JAG2: variants seen among roughly 807,000 people sequenced by gnomAD.
JAG2 encodes the protein protein jagged-2.
A neutral mutation model predicts 141.7 loss-of-function variants in JAG2; 46 were observed. The ratio of observed to expected loss-of-function variants is 0.32; its 90% CI spans 0.26 to 0.42. The LOEUF (loss-of-function observed/expected upper bound fraction) is 0.42. JAG2 is among the 10% of genes least tolerant of loss of function. JAG2 has a pLI of 1.00. For synonymous variants in JAG2, 862 were observed against 763.5 expected (o/e 1.13, Z -2.13); for missense variants, 1,500 against 1,817.5 (o/e 0.83, Z 3.18).
At chr14:105,151,230 C>CAGCAGCCCA in intron 9 of JAG2, 53 bp downstream of exon 9, 1 of 1,552,458 alleles carries the variant, frequency 6.4e-7, no homozygotes, top group Non-Finnish European at 8.7e-7. Flanking sequence ...CCAGCAGCCC[C>CAGCAGCCCA]CGCAGCCCGC....
intron 24 of JAG2, among the ~76,000 whole-genome samples, chr14:105,144,093 T>G (rs912739123): frequency 1.3e-5 from 2 of 151,370 alleles, no homozygotes; most frequent in African/African-American, 4.9e-5. Context: ...AGGCAGTGAG[T>G]TGGGGAGGTG....
chr14:105,152,104 C>G (rs1341589532), intron 6 of JAG2, 47 bp from the exon 7 acceptor site: 1 of 1,613,326 alleles, frequency 6.2e-7, no homozygotes, highest in Admixed American at 1.7e-5. Flanking sequence ...GCCCCCCGCT[C>G]CCCCACAACC....
chr14:105,146,015 G>C, intron 22 of JAG2, 42 bp from the exon 23 acceptor site: 1 of 1,577,338 alleles, frequency 6.3e-7, no homozygotes, highest in Non-Finnish European at 8.6e-7. Context: ...AGGCGCACAG[G>C]AGGGTCAGAT....
chr14:105,153,436 G>A (rs747139420), intron 5 of JAG2, among the ~76,000 whole-genome samples: 1 of 152,202 alleles, frequency 6.6e-6, no homozygotes, highest in Non-Finnish European at 1.5e-5. Flanking sequence ...TTGGGTCATC[G>A]GCCAGAGAGC....
intron 5 of JAG2, among the ~76,000 whole-genome samples, 177 bp downstream of exon 5, chr14:105,155,385 T>C (rs1267925311): frequency 6.6e-6 from 1 of 152,126 alleles, no homozygotes; most frequent in Non-Finnish European, 1.5e-5. Context: ...ACACATCCCA[T>C]GCTCAGACAC....
rs374853628 is a variant in JAG2 at position 105,155,730 on chromosome 14, C to T, written c.727+8G>A. On this transcript the variant is annotated splice_region_variant and intron_variant, in intron 4 of 25. Transcript: ENST00000331782. ...CCTGCCCTCCACGCAGCCCAGCGGCCCCCTCACCTTCCTTGCACTCCTTGC... is the reference window on the plus strand; with the variant it reads ...CCTGCCCTCCACGCAGCCCAGCGGCTCCCTCACCTTCCTTGCACTCCTTGC... 1.5e-4 allele frequency: 236 copies of T among 1,612,772 alleles called. No homozygotes were observed. Among genetic ancestry groups the T allele is most frequent in the Non-Finnish European group, 1.9e-4 (225 of 1,179,888 alleles).
At chr14:105,148,609 C>T (rs1888306723) in intron 15 of JAG2, 136 bp downstream of exon 15, 1 of 919,142 alleles carries the variant, frequency 1.1e-6, no homozygotes, top group African/African-American at 1.6e-5. Context: ...GACTCCACCC[C>T]ATGGTGGCAG....
rs1195173345 is a variant in JAG2, at chr14:105,141,701, C to G, written c.*994G>C. 1 of 152,378 alleles carries G rather than the reference C, an allele frequency of 6.6e-6. No homozygotes were observed. The highest frequency in any genetic ancestry group is 6.5e-5 in the Admixed American group (1 of 15,288). The allele number at this position is 152,378 out of a possible 1,614,324, so 9.4% of individuals were successfully genotyped here. A position where few individuals can be genotyped will look rare whatever the true frequency, so the allele number is the denominator to read the frequency against. ...CTCTCCCCCAACCTCACTCTCAATA[C>G]AAAAGGGACAGCACCGAAAGAACAA... On this transcript the variant is annotated 3_prime_UTR_variant, in exon 26 of 26. Transcript: ENST00000331782.
chr14:105,159,240 C>T (rs587737242), intron 2 of JAG2, among the ~76,000 whole-genome samples: 2 of 152,148 alleles, frequency 1.3e-5, no homozygotes, highest in Admixed American at 6.5e-5. Context: ...GCCCCGCCCC[C>T]GAGCCCCTGC....
chr14:105,151,435 A>G, intron 8 of JAG2, 39 bp from the exon 9 acceptor site: 1 of 1,577,520 alleles, frequency 6.3e-7, no homozygotes, highest in Non-Finnish European at 8.7e-7. Flanking sequence ...TGGCAGTGTG[A>G]GCCGTGGGAA....
rs138622239 is a variant in JAG2, at chr14:105,152,563, C to T, written c.789-272G>A. 6.9e-3 allele frequency among the ~76,000 whole-genome samples: 1,058 copies of T among 152,248 alleles called. 4 individuals are homozygous for T. Among genetic ancestry groups the T allele is most frequent in the Middle Eastern group, 0.017 (5 of 294 alleles). On this transcript the variant is annotated intron_variant, in intron 5 of 25. Transcript: ENST00000331782. ...TGGGATTCACCCGTGAGCTGGGCCC[C>T]GAGAGCAGGCACCAGGAAAGGAAGG... is the stretch of plus-strand genomic sequence containing the variant.
At chr14:105,152,963 T>C (rs1305338392) in intron 5 of JAG2, among the ~76,000 whole-genome samples, 1 of 152,130 alleles carries the variant, frequency 6.6e-6, no homozygotes, top group Non-Finnish European at 1.5e-5. Flanking sequence ...ACGTCCTGTC[T>C]TGGGAGTCCC....
intron 3 of JAG2, among the ~76,000 whole-genome samples, chr14:105,156,485 C>T (rs1374734919): frequency 6.6e-6 from 1 of 152,158 alleles, no homozygotes; most frequent in Non-Finnish European, 1.5e-5. Flanking sequence ...ACCGTCCCCA[C>T]CTTAAGACAA....
intron 2 of JAG2, among the ~76,000 whole-genome samples, chr14:105,166,929 C>T (rs1219047444): frequency 1.3e-5 from 2 of 152,184 alleles, no homozygotes; most frequent in African/African-American, 2.4e-5. Flanking sequence ...GGCCGTGCTC[C>T]AGGCAATGAG....
At chr14:105,144,074 C>T (rs1183624403) in intron 24 of JAG2, among the ~76,000 whole-genome samples, 4 of 151,848 alleles carry the variant, frequency 2.6e-5, no homozygotes, top group Non-Finnish European at 4.4e-5. Flanking sequence ...CGGTGGGGAC[C>T]TCGCCACCAG....
intron 5 of JAG2, 148 bp from the exon 6 acceptor site, chr14:105,152,439 T>C: frequency 4.3e-6 from 4 of 921,456 alleles, no homozygotes; most frequent in Non-Finnish European, 6.7e-6. Context: ...CAGGCAGGGG[T>C]TGCAGCCCTG....
chr14:105,146,364 C>T (rs374385513), intron 22 of JAG2, 21 bp downstream of exon 22: 26 of 1,595,972 alleles, frequency 1.6e-5, no homozygotes, highest in East Asian at 1.6e-4. Flanking sequence ...TAGGGCAGGG[C>T]GGCTCACGGG....
chr14:105,148,987 T>A lies in JAG2; in HGVS notation c.1856A>T (p.Asn619Ile), dbSNP rs769600514. The A allele has an allele frequency of 1.9e-6, 3 of 1,607,828 alleles. No individual in the cohort carries two copies. Among genetic ancestry groups the A allele is most frequent in the East Asian group, 2.2e-5 (1 of 44,688 alleles). The change falls in exon 14 of 26, where the codon AAC becomes ATC. Residue 619 changes from asparagine (N) to isoleucine (I), a missense_variant. This residue lies in a region of JAG2 where 875 missense variants were observed against 1,202.2 expected (regional missense o/e 0.73). Coordinates refer to ENST00000331782, the MANE Select transcript of JAG2 (RefSeq NM_002226.5). ...HGRCVSQPGG[N>I]FSCICDSGFT... ...GCCACTGTCACAGATGCAGGAAAAG[T>A]TGCCCCCTGGCTGGCTGACGCAGCG...
chr14:105,154,556 T>A lies in JAG2; in HGVS notation c.788+1006A>T, dbSNP rs1245071301. On this transcript the variant is annotated intron_variant, in intron 5 of 25. Coordinates refer to ENST00000331782, the MANE Select transcript of JAG2 (RefSeq NM_002226.5). This position sits in a 1 kb window ranked among gnomAD's most constrained non-coding sequence, Gnocchi z 4.4. ...GTCCAGAGGCCTCCACCATCTGGAC[T>A]TGGCTGTAAGACCCCGGACACTCCC... Among the ~76,000 whole-genome samples, 2 of 152,154 alleles carry A rather than the reference T, an allele frequency of 1.3e-5. No individual in the cohort carries two copies. Among genetic ancestry groups the A allele is most frequent in the African/African-American group, 4.8e-5 (2 of 41,436 alleles).
Sources: allele counts gnomAD v4.1 joint callset (sites outside exome capture counted in the v4.1 genomes callset), GRCh38; gene constraint gnomAD v4.1.1; regional missense constraint gnomAD v4.1.1; non-coding constraint Gnocchi (gnomAD v3.1); transcripts MANE v1.5; gene names NCBI Gene and HGNC (gene_info 2026-07-23, HGNC 2026-07-21).